The following COL6A5 variants were observed in gnomAD, a reference collection of about 807,000 sequenced individuals.
COL6A5 encodes the protein collagen alpha-5(VI) chain.
COL6A5 carries 48 observed loss-of-function variants against 65.6 expected under a neutral mutation model. The observed-to-expected ratio is 0.73, with a 90% confidence interval of 0.58 to 0.93. COL6A5 has a LOEUF of 0.93. COL6A5 is among the 40% of genes least tolerant of loss of function. COL6A5 has a pLI of 0.00. For missense variants in COL6A5, 914 were observed against 928.3 expected (o/e 0.98, Z 0.20); for synonymous variants, 291 against 322.8 (o/e 0.90, Z 1.05).
At chr3:130,438,829 C>T (rs1709101347) in intron 1 of COL6A5, among the ~76,000 whole-genome samples, 1 of 152,108 alleles carries the variant, frequency 6.6e-6, no homozygotes, top group Non-Finnish European at 1.5e-5. Context: ...GTTATTGACT[C>T]ACTGAATGAA....
intron 4 of COL6A5, among the ~76,000 whole-genome samples, chr3:130,383,555 G>T (rs1020517055): frequency 6.6e-6 from 1 of 151,968 alleles, no homozygotes; most frequent in African/African-American, 2.4e-5. Flanking sequence ...GCTTATCTTT[G>T]CCCTAATGCT....
At chr3:130,445,336 A>T (rs1256126894) in intron 4 of COL6A5, among the ~76,000 whole-genome samples, 1 of 152,210 alleles carries the variant, frequency 6.6e-6, no homozygotes, top group Admixed American at 6.5e-5. Context: ...TCGAACCAAC[A>T]TTACACTTTT....
intron 7 of COL6A5, among the ~76,000 whole-genome samples, chr3:130,394,040 TCTCAATTAC>T (rs1936502586): frequency 6.6e-6 from 1 of 152,188 alleles, no homozygotes; most frequent in Admixed American, 6.5e-5. Context: ...TAACCTACTG[TCTCAATTAC>T]CTTTAGTAAT....
intron 1 of COL6A5, among the ~76,000 whole-genome samples, chr3:130,364,652 A>T (rs1333404870): frequency 6.6e-6 from 1 of 152,210 alleles, no homozygotes; most frequent in Non-Finnish European, 1.5e-5. Context: ...AAAAGCGCAA[A>T]GTCCTTCAGC....
At position 130,403,482 on chromosome 3, in the gene COL6A5, C is replaced by A. The variant is rs537441988; in HGVS notation, c.4228-127C>A. 10 of 719,610 alleles carry A rather than the reference C, an allele frequency of 1.4e-5. No homozygotes were observed. In the East Asian group the frequency reaches 2.5e-4, roughly 18 times the overall value. The allele number at this position is 719,610 out of a possible 1,614,324, so 44.6% of individuals were successfully genotyped here. A position where few individuals can be genotyped will look rare whatever the true frequency, so the allele number is the denominator to read the frequency against. ...TGTTGTCAGATTCTCCCCAAACTCA[C>A]GGCCACATCTGCAGAAACTGCAACC... On this transcript the variant is annotated intron_variant and NMD_transcript_variant, in intron 12 of 41. Coordinates refer to the COL6A5 transcript ENST00000312481.
At chr3:130,349,663 T>G (rs1362028448) in intron 1 of COL6A5, among the ~76,000 whole-genome samples, 4 of 152,212 alleles carry the variant, frequency 2.6e-5, no homozygotes, top group African/African-American at 9.6e-5. Context: ...TTCTTATATT[T>G]TAATCACCAA....
chr3:130,423,418 C>T (rs184843943), intron 28 of COL6A5, among the ~76,000 whole-genome samples: 106 of 152,174 alleles, frequency 7.0e-4, no homozygotes, highest in Admixed American at 2.8e-3. Flanking sequence ...CATTAGTATC[C>T]GTATCCATCA....
In COL6A5 at chr3:130,395,553, CATA is replaced by C. The variant is rs1235342510; in HGVS notation, c.3568+89_3568+91del. The C allele has an allele frequency of 7.0e-5, 67 of 962,438 alleles. 1 individual carries two copies. In the Admixed American group the frequency reaches 1.7e-3, roughly 24 times the overall value. The allele number at this position is 962,438 out of a possible 1,614,324, so 59.6% of individuals were successfully genotyped here. The stretch of plus-strand genomic sequence containing the variant: ...GTCTTATGGGCTAGCTCTAGCAGAG[CATA>C]TATTTAGAACATATATTTAGTGAGA... On this transcript the variant is annotated intron_variant and NMD_transcript_variant, in intron 8 of 41. Transcript: ENST00000312481.
intron 7 of COL6A5, among the ~76,000 whole-genome samples, chr3:130,394,137 C>A (rs550895025): frequency 2.8e-4 from 43 of 152,270 alleles, no homozygotes; most frequent in African/African-American, 8.9e-4. Flanking sequence ...GATTTTGGGA[C>A]ATTTCAGATT....
chr3:130,365,269 A>ATGTTTTGTTTTGTTTTGTTTTGTTT lies in COL6A5; in HGVS notation c.-28-8339_-28-8315dup, dbSNP rs61258830. Among the ~76,000 whole-genome samples, 5 of 151,912 alleles carry ATGTTTTGTTTTGTTTTGTTTTGTTT rather than the reference A, an allele frequency of 3.3e-5. No individual in the cohort carries two copies. In the East Asian group the frequency reaches 7.7e-4, roughly 24 times the overall value. Reference sequence around the variant, plus strand: ...AAAATCAACAGATGTCTCCTTTAAGATGTTTTGTTTTGTTTTGTTTTGTTT... The same window carrying ATGTTTTGTTTTGTTTTGTTTTGTTT: ...AAAATCAACAGATGTCTCCTTTAAGATGTTTTGTTTTGTTTTGTTTTGTTTTGTTTTGTTTTGTTTTGTTTTGTTT... On this transcript the variant is annotated intron_variant and NMD_transcript_variant, in intron 1 of 41. Coordinates refer to the COL6A5 transcript ENST00000312481.
intron 29 of COL6A5, 74 bp downstream of exon 29, chr3:130,423,974 A>T: frequency 2.6e-6 from 3 of 1,150,502 alleles, no homozygotes; most frequent in Non-Finnish European, 3.8e-6. Context: ...ACAGAATTTA[A>T]AGTCAAATGC....
chr3:130,461,901 A>G (rs1709709099), intron 5 of COL6A5, among the ~76,000 whole-genome samples: 1 of 151,932 alleles, frequency 6.6e-6, no homozygotes, highest in African/African-American at 2.4e-5. Context: ...GCCTTTTCTC[A>G]GTGTGCTGGT....
chr3:130,424,151 G>T (rs976559), intron 29 of COL6A5, among the ~76,000 whole-genome samples: 15,475 of 151,950 alleles, frequency 0.1, 937 homozygotes, highest in Middle Eastern at 0.19. Flanking sequence ...AAACTGTAAG[G>T]TTTACAAATA....
At chr3:130,399,719 C>A (rs1936749464) in intron 10 of COL6A5, among the ~76,000 whole-genome samples, 1 of 141,270 alleles carries the variant, frequency 7.1e-6, no homozygotes, top group Non-Finnish European at 1.5e-5. Flanking sequence ...CTATTTTTTC[C>A]CATTCTTCCC....
chr3:130,420,207 C>T (rs1367848054), intron 25 of COL6A5, among the ~76,000 whole-genome samples: 1 of 151,706 alleles, frequency 6.6e-6, no homozygotes, highest in Admixed American at 6.6e-5. Flanking sequence ...AAAATTTACC[C>T]AGAATAAAAC....
At chr3:130,474,643 A>G (rs1406742304) in intron 7 of COL6A5, among the ~76,000 whole-genome samples, 8 of 152,114 alleles carry the variant, frequency 5.3e-5, no homozygotes, top group Admixed American at 5.2e-4. Flanking sequence ...TAGAAGTAAA[A>G]AATACAATAT....
intron 5 of COL6A5, among the ~76,000 whole-genome samples, chr3:130,464,005 T>G (rs1419438351): frequency 6.6e-6 from 1 of 152,110 alleles, no homozygotes; most frequent in Non-Finnish European, 1.5e-5. Flanking sequence ...ATTGAGATTT[T>G]GCTTATTTAT....
chr3:130,350,404 G>A (rs1934657865), intron 1 of COL6A5, among the ~76,000 whole-genome samples: 1 of 152,180 alleles, frequency 6.6e-6, no homozygotes, highest in African/African-American at 2.4e-5. Flanking sequence ...TGCATATTTA[G>A]AAAACCCCAT....
chr3:130,417,047 A>G (rs1487178832), intron 24 of COL6A5, among the ~76,000 whole-genome samples: 4 of 151,652 alleles, frequency 2.6e-5, no homozygotes, highest in African/African-American at 9.7e-5. Context: ...TAAGCCCCGC[A>G]TGCATTAGGT....
Sources: gnomAD v4.1 joint callset for allele counts (sites outside exome capture counted in the v4.1 genomes callset) on GRCh38, gnomAD v4.1.1 for gene constraint, MANE v1.5 for transcripts, NCBI Gene and HGNC (gene_info 2026-07-23, HGNC 2026-07-21) for gene names.